SCARA5: variants seen among roughly 807,000 people sequenced by gnomAD.
SCARA5 encodes scavenger receptor class A, member 5 (putative).
A neutral mutation model predicts 46.3 loss-of-function variants in SCARA5; 45 were observed. That is an observed-to-expected ratio of 0.97 (90% confidence interval 0.76 to 1.24). The LOEUF (loss-of-function observed/expected upper bound fraction) is 1.24, where lower values mean the gene tolerates loss of function less well. Ranked by LOEUF, SCARA5 falls within the 50% of genes most tolerant of loss-of-function variation. SCARA5 has a pLI of 0.00. For missense variants in SCARA5, 680 were observed against 689.0 expected (o/e 0.99, Z 0.15); for synonymous variants, 333 against 306.5 (o/e 1.09, Z -0.90).
chr8:27,979,709 A>G (rs1055685835), intron 2 of SCARA5, among the ~76,000 whole-genome samples: 4 of 152,054 alleles, frequency 2.6e-5, no homozygotes, highest in Non-Finnish European at 5.9e-5. Flanking sequence ...ACACACCGCC[A>G]CGCCACGCCT....
intron 7 of SCARA5, among the ~76,000 whole-genome samples, chr8:27,887,266 C>G (rs925131542): frequency 1.3e-5 from 2 of 152,116 alleles, no homozygotes; most frequent in Non-Finnish European, 2.9e-5. Flanking sequence ...ATCAGCAACC[C>G]GGAAGAAAAC....
intron 2 of SCARA5, among the ~76,000 whole-genome samples, chr8:27,974,179 C>G (rs34806597): frequency 6.6e-6 from 1 of 151,994 alleles, no homozygotes; most frequent in Non-Finnish European, 1.5e-5. Flanking sequence ...CACAGTGCTT[C>G]GGGGGAAAAG....
intron 2 of SCARA5, among the ~76,000 whole-genome samples, chr8:27,983,526 G>A (rs117921214): frequency 6.6e-6 from 1 of 152,322 alleles, no homozygotes; most frequent in Non-Finnish European, 1.5e-5. Flanking sequence ...TGCATCTCAG[G>A]TAAGGAGACT....
chr8:27,927,152 C>G (rs1439306629), intron 3 of SCARA5, among the ~76,000 whole-genome samples: 3 of 152,192 alleles, frequency 2.0e-5, no homozygotes, highest in Non-Finnish European at 4.4e-5. Context: ...CCTAGCCCCT[C>G]CTTCCCTCTG....
At chr8:27,956,244 C>G (rs967855079) in intron 3 of SCARA5, among the ~76,000 whole-genome samples, 1 of 152,120 alleles carries the variant, frequency 6.6e-6, no homozygotes, top group Non-Finnish European at 1.5e-5. Flanking sequence ...CACATCACAC[C>G]ATTACGCAAT....
Position 27,871,045 on chromosome 8 carries a change from G to C in SCARA5, c.*889C>G, listed in dbSNP as rs1048539805. On this transcript the variant is annotated 3_prime_UTR_variant, in exon 9 of 9. Coordinates refer to ENST00000354914, the MANE Select transcript of SCARA5 (RefSeq NM_173833.6). ...TTGACCTTGCACTCACGCCCTGGAG[G>C]TTCTGAAGTAGGCAACTTTCTAGTT... 1 of 152,238 alleles carries C rather than the reference G, an allele frequency of 6.6e-6. No homozygotes were observed. The highest frequency in any genetic ancestry group is 2.4e-5 in the African/African-American group (1 of 41,450). The allele number at this position is 152,238 out of a possible 1,614,324, so 9.4% of individuals were successfully genotyped here. A position where few individuals can be genotyped will look rare whatever the true frequency, so the allele number is the denominator to read the frequency against.
At chr8:27,876,465 G>A (rs36085346) in intron 8 of SCARA5, among the ~76,000 whole-genome samples, 35,272 of 152,160 alleles carry the variant, frequency 0.23, 4,655 homozygotes, top group Middle Eastern at 0.39. Flanking sequence ...GATGTGGGGA[G>A]GGGGAGTGGT....
intron 7 of SCARA5, among the ~76,000 whole-genome samples, chr8:27,885,710 T>TA (rs963493649): frequency 6.6e-6 from 1 of 152,198 alleles, no homozygotes; most frequent in Non-Finnish European, 1.5e-5. Context: ...CTGCCTTCTC[T>TA]ACTTGAGATG....
At chr8:27,884,798 C>G (rs1195890473) in intron 7 of SCARA5, among the ~76,000 whole-genome samples, 1 of 152,212 alleles carries the variant, frequency 6.6e-6, no homozygotes, top group Non-Finnish European at 1.5e-5. Flanking sequence ...CCTCATGGAG[C>G]TGACATTCTA....
chr8:27,917,993 A>G (rs1442270159), intron 4 of SCARA5, among the ~76,000 whole-genome samples: 1 of 152,178 alleles, frequency 6.6e-6, no homozygotes, highest in African/African-American at 2.4e-5. Context: ...CAGTGTCAAG[A>G]TTTAACAGTT....
At position 27,905,523 on chromosome 8, in the gene SCARA5, T is replaced by TGGCGGGGGC. The variant is rs751627046; in HGVS notation, c.1097-690_1097-689insGCCCCCGCC. The stretch of plus-strand genomic sequence containing the variant: ...AGAATGCCCAGGATGATCCAAGATT[T>TGGCGGGGGC]GGGGGGGGGAAAAAAAAAAGGCAGC... On this transcript the variant is annotated intron_variant, in intron 6 of 8. Transcript: ENST00000354914. 6.5e-4 allele frequency among the ~76,000 whole-genome samples: 35 copies of TGGCGGGGGC among 53,696 alleles called. 5 individuals are homozygous for TGGCGGGGGC. In the South Asian group the frequency reaches 7.5e-3, roughly 12 times the overall value. 35.2% of individuals were successfully genotyped at this position (53,696 alleles called of 152,430 possible). A position where few individuals can be genotyped will look rare whatever the true frequency, so the allele number is the denominator to read the frequency against.
chr8:27,946,128 A>G (rs1006098311), intron 3 of SCARA5, among the ~76,000 whole-genome samples: 4 of 152,222 alleles, frequency 2.6e-5, no homozygotes, highest in Non-Finnish European at 4.4e-5. Context: ...AGCAGTGAAA[A>G]CCTAGAGAAG....
intron 7 of SCARA5, among the ~76,000 whole-genome samples, chr8:27,900,148 A>G (rs60504019): frequency 0.059 from 8,972 of 151,548 alleles, 418 homozygotes; most frequent in African/African-American, 0.13. Context: ...AAAAAAAAAA[A>G]CCAAAAAAAC....
intron 2 of SCARA5, among the ~76,000 whole-genome samples, chr8:27,984,301 GC>G (rs1301321137): frequency 6.6e-6 from 1 of 152,192 alleles, no homozygotes; most frequent in Non-Finnish European, 1.5e-5. Flanking sequence ...AAGCCCACAA[GC>G]TTTGAAGTCA....
intron 7 of SCARA5, among the ~76,000 whole-genome samples, chr8:27,882,964 G>A (rs1293553379): frequency 1.3e-5 from 2 of 151,330 alleles, no homozygotes; most frequent in Non-Finnish European, 3.0e-5. Context: ...CTGCGACATG[G>A]GAACAACATC....
intron 2 of SCARA5, among the ~76,000 whole-genome samples, chr8:27,968,054 G>A (rs904507607): frequency 3.3e-5 from 5 of 152,072 alleles, no homozygotes; most frequent in Non-Finnish European, 7.4e-5. Flanking sequence ...TCCTTCATAG[G>A]TTCCCATTTG....
At chr8:27,895,284 C>G (rs568205368) in intron 7 of SCARA5, among the ~76,000 whole-genome samples, 265 of 152,228 alleles carry the variant, frequency 1.7e-3, no homozygotes, top group African/African-American at 6.2e-3. Flanking sequence ...AAGAACTCCC[C>G]GTGCCCCCAG....
chr8:27,987,393 A>G (rs758194577), intron 2 of SCARA5, 111 bp downstream of exon 2: 17 of 740,312 alleles, frequency 2.3e-5, no homozygotes, highest in Non-Finnish European at 4.2e-5. Flanking sequence ...GCACTATTAC[A>G]TGAGGAGGTC....
chr8:27,894,026 C>T (rs2129714110), intron 7 of SCARA5, among the ~76,000 whole-genome samples: 1 of 152,350 alleles, frequency 6.6e-6, no homozygotes, highest in South Asian at 2.1e-4. Context: ...ACAACACAGC[C>T]AAGTTCTGGG....
Sources: allele counts gnomAD v4.1 joint callset (sites outside exome capture counted in the v4.1 genomes callset), GRCh38; gene constraint gnomAD v4.1.1; transcripts MANE v1.5; gene names NCBI Gene and HGNC (gene_info 2026-07-23, HGNC 2026-07-21).